PARD3B: variants seen among roughly 807,000 people sequenced by gnomAD.
PARD3B encodes the protein par-3 family cell polarity regulator beta.
Under a neutral mutation model 130.2 loss-of-function variants are expected in PARD3B, and 103 were observed. That is an observed-to-expected ratio of 0.79 (90% CI 0.67 to 0.93). The LOEUF is 0.93. Ranked by LOEUF, PARD3B falls within the 40% of genes least tolerant of loss-of-function variation. The pLI is 0.00. For synonymous variants in PARD3B, 583 were observed against 553.2 expected, an observed-to-expected ratio of 1.05 and a Z score of -0.76; for missense variants, 1,609 against 1,499.2, an observed-to-expected ratio of 1.07 and a Z score of -1.21.
chr2:205,406,479 A>C (rs1343550188), intron 19 of PARD3B, among the ~76,000 whole-genome samples: 1 of 152,084 alleles, frequency 6.6e-6, no homozygotes, highest in Non-Finnish European at 1.5e-5. Flanking sequence ...AGTTCATCAC[A>C]TAAATATTGG....
chr2:205,515,215 G>A (rs1366619897), intron 21 of PARD3B, among the ~76,000 whole-genome samples: 1 of 152,072 alleles, frequency 6.6e-6, no homozygotes, highest in Non-Finnish European at 1.5e-5. Context: ...TGCTGTATAT[G>A]TGCCACGTTA....
At chr2:204,652,072 A>T (rs2035497830) in intron 1 of PARD3B, among the ~76,000 whole-genome samples, 1 of 152,052 alleles carries the variant, frequency 6.6e-6, no homozygotes, top group African/African-American at 2.4e-5. Flanking sequence ...TGCTGTGAAG[A>T]TCTCTGAAAT....
intron 3 of PARD3B, among the ~76,000 whole-genome samples, chr2:204,987,296 AAT>A (rs1693246365): frequency 6.6e-6 from 1 of 152,220 alleles, no homozygotes; most frequent in African/African-American, 2.4e-5. Context: ...TCAAAAGACT[AAT>A]ATTTTCTCTG....
intron 20 of PARD3B, among the ~76,000 whole-genome samples, chr2:205,481,136 C>T (rs771355463): frequency 1.3e-5 from 2 of 152,074 alleles, no homozygotes; most frequent in African/African-American, 2.4e-5. Context: ...TTAGGCTAAA[C>T]GTGATGACAA....
At position 205,244,676 on chromosome 2, in the gene PARD3B, T is replaced by A. The variant is rs1424200960; in HGVS notation, c.2141-1102T>A. On this transcript the variant is annotated intron_variant, in intron 15 of 22. Coordinates refer to ENST00000406610, the MANE Select transcript of PARD3B (RefSeq NM_001302769.2). The surrounding 1 kb of genome is among the most constrained non-coding windows in gnomAD (Gnocchi z 4.7). The stretch of plus-strand genomic sequence containing the variant: ...TGGGAAAGTTTTACTTATAAACACA[T>A]TTTTTTTTTCAAAAAACTACTATAG... Among the ~76,000 whole-genome samples, 4 of 148,556 alleles carry A rather than the reference T, an allele frequency of 2.7e-5. No individual in the cohort carries two copies. Among genetic ancestry groups the A allele is most frequent in the African/African-American group, 1.0e-4 (4 of 39,196 alleles).
At chr2:204,575,171 A>G (rs939973485) in intron 1 of PARD3B, among the ~76,000 whole-genome samples, 1 of 152,210 alleles carries the variant, frequency 6.6e-6, no homozygotes, top group African/African-American at 2.4e-5. Context: ...TGGTTTCATT[A>G]CAATCTGTAT....
chr2:205,418,204 T>G (rs1169655989), intron 19 of PARD3B, among the ~76,000 whole-genome samples: 1 of 152,200 alleles, frequency 6.6e-6, no homozygotes, highest in Non-Finnish European at 1.5e-5. Flanking sequence ...AGATGTGCTG[T>G]CACACCTTTG....
chr2:204,784,543 C>T (rs138447454), intron 2 of PARD3B, among the ~76,000 whole-genome samples: 6 of 152,130 alleles, frequency 3.9e-5, no homozygotes, highest in African/African-American at 9.6e-5. Context: ...TTAAATGCCA[C>T]GGATGGAGGA....
intron 3 of PARD3B, among the ~76,000 whole-genome samples, chr2:204,988,356 G>T (rs988796005): frequency 2.0e-5 from 3 of 152,122 alleles, no homozygotes; most frequent in Non-Finnish European, 2.9e-5. Flanking sequence ...GTAGTGGGGG[G>T]CATGTGGAGG....
At chr2:205,462,105 TG>T (rs1052305158) in intron 20 of PARD3B, among the ~76,000 whole-genome samples, 4 of 152,162 alleles carry the variant, frequency 2.6e-5, no homozygotes, top group Non-Finnish European at 5.9e-5. Context: ...ACTAAAGAAA[TG>T]GGTTTTGTGC....
intron 14 of PARD3B, among the ~76,000 whole-genome samples, chr2:205,189,232 G>A (rs2036261622): frequency 6.6e-6 from 1 of 152,016 alleles, no homozygotes; most frequent in South Asian, 2.1e-4. Context: ...TCCATCTGTG[G>A]ACACCTGAGA....
chr2:205,013,840 T>C (rs2125314959), intron 3 of PARD3B, among the ~76,000 whole-genome samples: 1 of 152,258 alleles, frequency 6.6e-6, no homozygotes, highest in African/African-American at 2.4e-5. Flanking sequence ...AGATGTGATC[T>C]CTACTATCTC....
At chr2:204,893,119 G>A (rs1415047413) in intron 2 of PARD3B, among the ~76,000 whole-genome samples, 1 of 152,124 alleles carries the variant, frequency 6.6e-6, no homozygotes, top group Admixed American at 6.6e-5. Flanking sequence ...GCAAGAACTG[G>A]CAAGGGAGGA....
At chr2:204,616,224 G>C (rs555659528) in intron 1 of PARD3B, among the ~76,000 whole-genome samples, 56 of 152,236 alleles carry the variant, frequency 3.7e-4, no homozygotes, top group African/African-American at 1.3e-3. Context: ...AAAGGCACCT[G>C]ATAAAAACGT....
intron 2 of PARD3B, among the ~76,000 whole-genome samples, chr2:204,785,000 CCT>C (rs796070654): frequency 5.9e-4 from 90 of 152,176 alleles, no homozygotes; most frequent in African/African-American, 1.2e-3. Flanking sequence ...AAATCAAACT[CCT>C]AACTTTGGTC....
chr2:204,723,722 A>C (rs1054906369), intron 2 of PARD3B, among the ~76,000 whole-genome samples: 3 of 152,110 alleles, frequency 2.0e-5, no homozygotes, highest in African/African-American at 7.2e-5. Flanking sequence ...GAGTTGAGGC[A>C]GTGAGGGGCA....
At chr2:205,165,136 G>C (rs1053309740) in intron 11 of PARD3B, among the ~76,000 whole-genome samples, 1 of 152,040 alleles carries the variant, frequency 6.6e-6, no homozygotes, top group Non-Finnish European at 1.5e-5. Context: ...TAACATATAT[G>C]CTTTAACAAG....
chr2:205,185,734 T>C lies in PARD3B; in HGVS notation c.1925-30T>C, dbSNP rs370006217. The C allele has an allele frequency of 1.8e-5, 29 of 1,595,166 alleles. No individual in the cohort carries two copies. In the African/African-American group the frequency reaches 3.4e-4, roughly 18 times the overall value. On this transcript the variant is annotated intron_variant, in intron 13 of 22. Coordinates refer to ENST00000406610, the MANE Select transcript of PARD3B (RefSeq NM_001302769.2). ...GCATCGAATGGTTCTGCTTCCACTTTATACAGCTTCATTTGTTCTTTGTTT... is the reference window on the plus strand; with the variant it reads ...GCATCGAATGGTTCTGCTTCCACTTCATACAGCTTCATTTGTTCTTTGTTT...
At chr2:204,810,688 T>C (rs2042932531) in intron 2 of PARD3B, among the ~76,000 whole-genome samples, 1 of 152,170 alleles carries the variant, frequency 6.6e-6, no homozygotes, top group South Asian at 2.1e-4. Flanking sequence ...AGCTTTTTGA[T>C]GTGTTGCTGG....
Sources: allele counts gnomAD v4.1 joint callset (sites outside exome capture counted in the v4.1 genomes callset), GRCh38; gene constraint gnomAD v4.1.1; non-coding constraint Gnocchi (gnomAD v3.1); transcripts MANE v1.5; gene names NCBI Gene and HGNC (gene_info 2026-07-23, HGNC 2026-07-21).